HDAC9: variants seen among roughly 807,000 people sequenced by gnomAD.
HDAC9 encodes histone deacetylase 9, also known as MEF-2 interacting transcription repressor (MITR) protein.
A neutral mutation model predicts 139.4 loss-of-function variants in HDAC9; 41 were observed. That is an observed-to-expected ratio of 0.29 (90% confidence interval 0.23 to 0.38). The LOEUF is 0.38. Ranked by LOEUF, HDAC9 falls within the 10% of genes least tolerant of loss-of-function variation. The pLI is 1.00. For missense variants in HDAC9, 1,147 were observed against 1,297.0 expected (o/e 0.88, Z 1.78); for synonymous variants, 517 against 476.2 (o/e 1.09, Z -1.12).
Position 18,619,246 on chromosome 7 carries a change from TTCA to T in HDAC9, c.665-10103_665-10101del, listed in dbSNP as rs1839550687. Among the ~76,000 whole-genome samples, 4 of 152,146 alleles carry T rather than the reference TTCA, an allele frequency of 2.6e-5. No individual in the cohort carries two copies. In the South Asian group the frequency reaches 8.3e-4, roughly 32 times the overall value. ...ATCTATGAGACCTCTTGCCATGACA[TTCA>T]GCATCAAGAAATTCTTAGAAATTAG... On this transcript the variant is annotated intron_variant, in intron 6 of 25. Transcript: ENST00000686413.
At chr7:18,903,079 A>G (rs1433856690) in intron 22 of HDAC9, among the ~76,000 whole-genome samples, 1 of 152,230 alleles carries the variant, frequency 6.6e-6, no homozygotes, top group East Asian at 1.9e-4. Flanking sequence ...CAATTTGAAA[A>G]CAATTTTACA....
At chr7:18,335,003 GT>G (rs1781483592) in intron 1 of HDAC9, among the ~76,000 whole-genome samples, 1 of 151,472 alleles carries the variant, frequency 6.6e-6, no homozygotes. Flanking sequence ...GTCCGGCAGG[GT>G]TTTAGAAGTT....
chr7:18,386,328 C>T (rs950088336), intron 1 of HDAC9, among the ~76,000 whole-genome samples: 4 of 152,128 alleles, frequency 2.6e-5, no homozygotes, highest in Non-Finnish European at 4.4e-5. Context: ...TTGAGTAATT[C>T]CTTACTCCTC....
intron 1 of HDAC9, among the ~76,000 whole-genome samples, chr7:18,385,680 A>G (rs1328450350): frequency 6.6e-6 from 1 of 152,196 alleles, no homozygotes; most frequent in Non-Finnish European, 1.5e-5. Context: ...GCCATTTCTC[A>G]TAAATTGGCT....
intron 1 of HDAC9, among the ~76,000 whole-genome samples, chr7:18,453,747 A>C (rs1010149643): frequency 2.6e-5 from 4 of 152,188 alleles, no homozygotes; most frequent in Non-Finnish European, 5.9e-5. Flanking sequence ...AGATTATTAC[A>C]AATAAGTAAA....
chr7:18,446,102 G>C (rs912380059), intron 1 of HDAC9, among the ~76,000 whole-genome samples: 1 of 152,212 alleles, frequency 6.6e-6, no homozygotes, highest in Non-Finnish European at 1.5e-5. Context: ...CGTCTGGCCA[G>C]CAAAGAGGAT....
intron 22 of HDAC9, among the ~76,000 whole-genome samples, chr7:18,908,778 A>G (rs1802495372): frequency 6.6e-6 from 1 of 152,046 alleles, no homozygotes; most frequent in Non-Finnish European, 1.5e-5. Flanking sequence ...TTGTCTATTT[A>G]TACCACATTT....
chr7:18,353,463 G>C (rs1401029091), intron 1 of HDAC9, among the ~76,000 whole-genome samples: 1 of 152,100 alleles, frequency 6.6e-6, no homozygotes. Flanking sequence ...AAGAATTAAA[G>C]AATGTTAAGT....
At chr7:18,830,935 G>A (rs1795816479) in intron 19 of HDAC9, among the ~76,000 whole-genome samples, 2 of 152,194 alleles carry the variant, frequency 1.3e-5, no homozygotes, top group African/African-American at 4.8e-5. Flanking sequence ...AATAATTGCT[G>A]TTCTGCATAA....
intron 2 of HDAC9, among the ~76,000 whole-genome samples, chr7:18,550,099 T>C (rs1261849801): frequency 6.6e-6 from 1 of 152,198 alleles, no homozygotes; most frequent in East Asian, 1.9e-4. Flanking sequence ...TATAACTTCT[T>C]TGAGAAGTGC....
intron 1 of HDAC9, among the ~76,000 whole-genome samples, chr7:18,306,859 AC>A (rs1286601689): frequency 6.6e-6 from 1 of 151,478 alleles, no homozygotes; most frequent in African/African-American, 2.4e-5. Context: ...TTTGCGAAAC[AC>A]CCCCCACTTA....
intron 16 of HDAC9, among the ~76,000 whole-genome samples, chr7:18,773,324 A>G (rs1790472553): frequency 1.3e-5 from 2 of 151,350 alleles, no homozygotes; most frequent in Admixed American, 1.3e-4. Flanking sequence ...TGTTTTTTAC[A>G]TTACTGGGGC....
chr7:18,590,581 G>C, intron 4 of HDAC9, 95 bp downstream of exon 4: 1 of 1,270,872 alleles, frequency 7.9e-7, no homozygotes, highest in Non-Finnish European at 1.1e-6. Flanking sequence ...GGTTAGACTC[G>C]TCAAAATTAT....
At chr7:18,827,966 A>T (rs1015694352) in intron 17 of HDAC9, among the ~76,000 whole-genome samples, 1 of 152,148 alleles carries the variant, frequency 6.6e-6, no homozygotes, top group Non-Finnish European at 1.5e-5. Flanking sequence ...TGTCTTAAGA[A>T]TAAGAACAGG....
At chr7:18,270,305 A>C (rs1037392044) in intron 2 of HDAC9, among the ~76,000 whole-genome samples, 5 of 151,214 alleles carry the variant, frequency 3.3e-5, no homozygotes, top group African/African-American at 1.2e-4. Context: ...AAACAAAAAA[A>C]AAACTGTGAC....
chr7:18,707,544 G>A (rs904780889), intron 12 of HDAC9, among the ~76,000 whole-genome samples: 3 of 151,998 alleles, frequency 2.0e-5, no homozygotes, highest in Admixed American at 6.6e-5. Context: ...TAAGGTGAAG[G>A]GAATATAGTC....
At chr7:18,493,933 T>C (rs1373823197), upstream of HDAC9, among the ~76,000 whole-genome samples, 2 of 152,130 alleles carry the variant, frequency 1.3e-5, no homozygotes, top group African/African-American at 2.4e-5. Context: ...AAAACTACAA[T>C]TGACTATCTC....
chr7:18,580,135 A>G (rs1410665345), intron 2 of HDAC9, among the ~76,000 whole-genome samples: 1 of 152,220 alleles, frequency 6.6e-6, no homozygotes, highest in East Asian at 1.9e-4. Flanking sequence ...GAATTAAAAA[A>G]TATTTGTTAC....
chr7:18,595,764 A>G (rs1352237469), intron 6 of HDAC9, among the ~76,000 whole-genome samples: 8 of 152,044 alleles, frequency 5.3e-5, no homozygotes, highest in Admixed American at 5.3e-4. Context: ...CTGACTTTGA[A>G]AAGAAGTGGC....
Sources: allele counts gnomAD v4.1 joint callset (sites outside exome capture counted in the v4.1 genomes callset), GRCh38; gene constraint gnomAD v4.1.1; transcripts MANE v1.5; gene names NCBI Gene and HGNC (gene_info 2026-07-23, HGNC 2026-07-21).